Variants in SEC14L2 observed in about 807,000 individuals in gnomAD.
SEC14L2 encodes the protein SEC14-like protein 2.
A neutral mutation model predicts 56.9 loss-of-function variants in SEC14L2; 50 were observed. The observed-to-expected ratio is 0.88, with a 90% CI of 0.70 to 1.11. The LOEUF is 1.11. SEC14L2 is among the 50% of genes most tolerant of loss of function. The pLI, the probability that SEC14L2 is intolerant of heterozygous loss-of-function variation, is 0.00. For synonymous variants in SEC14L2, 179 were observed against 188.5 expected (o/e 0.95, Z 0.41); for missense variants, 414 against 500.7 (o/e 0.83, Z 1.65).
chr22:30,416,478 T>C, intron 11 of SEC14L2, 75 bp downstream of exon 11: 11 of 1,610,882 alleles, frequency 6.8e-6, no homozygotes, highest in Middle Eastern at 1.7e-4. Flanking sequence ...TCTTCCTCCA[T>C]GGATTTTTGG....
At chr22:30,401,680 A>ATTTTT (rs61523027) in intron 2 of SEC14L2, among the ~76,000 whole-genome samples, 34 of 139,940 alleles carry the variant, frequency 2.4e-4, no homozygotes, top group African/African-American at 9.1e-4. Flanking sequence ...CGCCCGGCTA[A>ATTTTT]TTTTTTTTTT....
intron 4 of SEC14L2, 116 bp downstream of exon 4, chr22:30,407,270 C>A: frequency 7.0e-7 from 1 of 1,428,524 alleles, no homozygotes; most frequent in Non-Finnish European, 9.8e-7. Flanking sequence ...GCCCACTGAG[C>A]CCTGATGGTC....
chr22:30,406,451 T>C, intron 3 of SEC14L2, 66 bp downstream of exon 3: 1 of 1,512,096 alleles, frequency 6.6e-7, no homozygotes, highest in East Asian at 2.3e-5. Context: ...TGGACTTCTT[T>C]TGCCGCACCT....
At chr22:30,417,334 A>G (rs2299825) in intron 11 of SEC14L2, among the ~76,000 whole-genome samples, 28,149 of 152,232 alleles carry the variant, frequency 0.18, 2,843 homozygotes, top group Middle Eastern at 0.31. Flanking sequence ...TTCTGCAAAT[A>G]TATTTTATGA....
chr22:30,419,475 G>A (rs1002023154), intron 11 of SEC14L2, among the ~76,000 whole-genome samples: 15 of 152,134 alleles, frequency 9.9e-5, no homozygotes, highest in Non-Finnish European at 1.9e-4. Flanking sequence ...CCCAGGAGGC[G>A]GAGGTTGCAG....
intron 5 of SEC14L2, 153 bp from the exon 6 acceptor site, chr22:30,409,034 T>TG: frequency 1.3e-6 from 1 of 746,812 alleles, no homozygotes. Flanking sequence ...AATTCTGGCC[T>TG]GGGGTGATTA....
At chr22:30,404,083 A>G (rs1402968553) in intron 2 of SEC14L2, among the ~76,000 whole-genome samples, 1 of 149,848 alleles carries the variant, frequency 6.7e-6, no homozygotes, top group Non-Finnish European at 1.5e-5. Flanking sequence ...TGTCCTTCCT[A>G]TGGAAGATTC....
rs761768868 is a variant in SEC14L2 at position 30,415,862 on chromosome 22, CA to C, written c.770del (p.Lys257ArgfsTer18). The C allele has an allele frequency of 2.5e-6, 4 of 1,614,194 alleles. No individual in the cohort carries two copies. The South Asian group carries it at 4.4e-5, about 18-fold the overall frequency. Reference sequence around the variant, plus strand: ...CTGATGGAAACCCCAAGTGCAAATCCAAGGTATGAGCCGCCAGAGGCTAGAG... The same window carrying C: ...CTGATGGAAACCCCAAGTGCAAATCCAGGTATGAGCCGCCAGAGGCTAGAG... ...DPDGNPKCKS[K>X]INYGGDIPRK... On this transcript the variant is annotated frameshift_variant and splice_region_variant, in exon 9 of 12. Coordinates refer to ENST00000615189, the MANE Select transcript of SEC14L2 (RefSeq NM_012429.5). LOFTEE classifies it high-confidence loss of function.
In SEC14L2 at chr22:30,398,511, G is replaced by C. The variant is rs1601767225; in HGVS notation, c.55-1132G>C. On this transcript the variant is annotated intron_variant, in intron 1 of 11. Transcript: ENST00000615189. The stretch of plus-strand genomic sequence containing the variant: ...CATATAGGGGCCTGTTCGCCTACCA[G>C]GGAGTGAGAGGTTGGAGGTAGGTGT... 8.3e-6 allele frequency: 3 copies of C among 360,540 alleles called. No individual in the cohort carries two copies. In the East Asian group the frequency reaches 2.2e-4, roughly 27 times the overall value. The allele number at this position is 360,540 out of a possible 1,614,324, so 22.3% of individuals were successfully genotyped here. A position where few individuals can be genotyped will look rare whatever the true frequency, so the allele number is the denominator to read the frequency against.
At chr22:30,417,700 G>A (rs780839522) in intron 11 of SEC14L2, among the ~76,000 whole-genome samples, 5 of 152,164 alleles carry the variant, frequency 3.3e-5, no homozygotes, top group Non-Finnish European at 7.3e-5. Flanking sequence ...TGTGGGAGAA[G>A]GGCCATCCTG....
chr22:30,416,934 C>T (rs2146038775), intron 11 of SEC14L2: 1 of 872,938 alleles, frequency 1.1e-6, no homozygotes, highest in Non-Finnish European at 1.4e-6. Flanking sequence ...CTTAATCTCT[C>T]TTAACTTTGT....
In SEC14L2 at chr22:30,423,052, A is replaced by T. The variant is rs1304379516; in HGVS notation, c.*645A>T. ...CGGCCTGCCTCTTTGATTACTAATG[A>T]TTGTCAGTGACTCAGAGCTTCCTGG... On this transcript the variant is annotated 3_prime_UTR_variant, in exon 12 of 12. Transcript: ENST00000615189. The T allele has an allele frequency of 1.3e-5, 2 of 152,492 alleles. No individual in the cohort carries two copies. Among genetic ancestry groups the T allele is most frequent in the Non-Finnish European group, 2.9e-5 (2 of 68,044 alleles). The allele number at this position is 152,492 out of a possible 1,614,324, so 9.4% of individuals were successfully genotyped here.
At chr22:30,399,392 G>T (rs112161039) in intron 1 of SEC14L2, among the ~76,000 whole-genome samples, 4 of 151,768 alleles carry the variant, frequency 2.6e-5, no homozygotes, top group Admixed American at 6.6e-5. Context: ...GCAGGCCCCT[G>T]TAGTCCCAGC....
intron 8 of SEC14L2, among the ~76,000 whole-genome samples, chr22:30,413,404 T>G (rs539275573): frequency 6.7e-6 from 1 of 150,146 alleles, no homozygotes; most frequent in Non-Finnish European, 1.5e-5. Context: ...TGAAGTGGAG[T>G]GGAGGGAGAA....
At chr22:30,410,181 T>C (rs1934210449) in intron 7 of SEC14L2, among the ~76,000 whole-genome samples, 2 of 151,684 alleles carry the variant, frequency 1.3e-5, no homozygotes, top group Non-Finnish European at 2.9e-5. Context: ...GAGCACTGCT[T>C]GAGCCCAGGA....
chr22:30,423,734 G>A lies in SEC14L2; in HGVS notation c.*1327G>A, dbSNP rs1393793925. The A allele has an allele frequency of 6.6e-6, 1 of 152,324 alleles. No homozygotes were observed. Among genetic ancestry groups the A allele is most frequent in the East Asian group, 1.9e-4 (1 of 5,200 alleles). The allele number at this position is 152,324 out of a possible 1,614,324, so 9.4% of individuals were successfully genotyped here. ...AGGCCAGGCTAGCGCGGACCGGAAGGGGCCGAGGCTGCACGGGCCTCTGCC... is the reference window on the plus strand; with the variant it reads ...AGGCCAGGCTAGCGCGGACCGGAAGAGGCCGAGGCTGCACGGGCCTCTGCC... On this transcript the variant is annotated 3_prime_UTR_variant, in exon 12 of 12. Coordinates refer to ENST00000615189, the MANE Select transcript of SEC14L2 (RefSeq NM_012429.5).
At chr22:30,409,593 A>C in intron 7 of SEC14L2, 107 bp downstream of exon 7, 1 of 1,075,028 alleles carries the variant, frequency 9.3e-7, no homozygotes, top group Non-Finnish European at 1.4e-6. Flanking sequence ...GGGTCTGAGG[A>C]CATGTTCAGA....
chr22:30,415,053 T>C (rs1019219074), intron 8 of SEC14L2, among the ~76,000 whole-genome samples: 1 of 152,182 alleles, frequency 6.6e-6, no homozygotes, highest in Admixed American at 6.5e-5. Flanking sequence ...ACCCTTTCTT[T>C]GTCCCCTCTC....
At chr22:30,410,827 C>T (rs747502321) in intron 8 of SEC14L2, 148 bp downstream of exon 8, 5 of 669,936 alleles carry the variant, frequency 7.5e-6, no homozygotes, top group Non-Finnish European at 1.3e-5. Flanking sequence ...TGGGGTGGAG[C>T]TAGTGCCTTC....
Sources: gnomAD v4.1 joint callset for allele counts (sites outside exome capture counted in the v4.1 genomes callset) on GRCh38, gnomAD v4.1.1 for gene constraint, MANE v1.5 for transcripts, NCBI Gene and HGNC (gene_info 2026-07-23, HGNC 2026-07-21) for gene names.